Variants in ABCB5 observed in about 807,000 individuals in gnomAD.
The protein encoded by ABCB5 is ATP-binding cassette sub-family B member 5.
A neutral mutation model predicts 144.2 loss-of-function variants in ABCB5; 155 were observed. The observed-to-expected ratio is 1.08, with a 90% CI of 0.94 to 1.23. The LOEUF (loss-of-function observed/expected upper bound fraction) is 1.23. ABCB5 is among the 50% of genes most tolerant of loss of function. The pLI is 0.00. For synonymous variants in ABCB5, 610 were observed against 528.6 expected, an observed-to-expected ratio of 1.15 and a Z score of -2.11; for missense variants, 1,830 against 1,520.8, an observed-to-expected ratio of 1.20 and a Z score of -3.38.
intron 25 of ABCB5, among the ~76,000 whole-genome samples, chr7:20,744,475 A>T (rs150578667): frequency 8.6e-5 from 13 of 151,880 alleles, no homozygotes; most frequent in African/African-American, 3.1e-4. Context: ...CCCCCTTCTC[A>T]TGCCTCTCCA....
chr7:20,661,798 G>T (rs1293369177), intron 14 of ABCB5, among the ~76,000 whole-genome samples: 1 of 152,062 alleles, frequency 6.6e-6, no homozygotes, highest in Non-Finnish European at 1.5e-5. Context: ...CTCCCAAAGT[G>T]CTGGGATTAC....
chr7:20,756,988 AAAAT>A lies in ABCB5; in HGVS notation c.*1367_*1370del, dbSNP rs552626235. 11 of 152,500 alleles carry A rather than the reference AAAAT, an allele frequency of 7.2e-5. No individual in the cohort carries two copies. The South Asian group carries it at 2.3e-3, about 32-fold the overall frequency. The allele number at this position is 152,500 out of a possible 1,614,324, so 9.4% of individuals were successfully genotyped here. ...GCTGCTTTCTTTAAAATGCAAAATAAAAATAAGATTGGGGACTTGAGAATCAGAT... is the reference window on the plus strand; with the variant it reads ...GCTGCTTTCTTTAAAATGCAAAATAAAAGATTGGGGACTTGAGAATCAGAT... On this transcript the variant is annotated 3_prime_UTR_variant, in exon 28 of 28. Coordinates refer to ENST00000404938, the MANE Select transcript of ABCB5 (RefSeq NM_001163941.2).
At chr7:20,624,172 G>A (rs983509604) in intron 2 of ABCB5, among the ~76,000 whole-genome samples, 2 of 152,216 alleles carry the variant, frequency 1.3e-5, no homozygotes, top group African/African-American at 4.8e-5. Flanking sequence ...AGGGGATGCT[G>A]AGGGGACAGG....
Position 20,751,298 on chromosome 7 carries a change from C to T in ABCB5, c.3430-2062C>T, listed in dbSNP as rs1192024864. Among the ~76,000 whole-genome samples, 5 of 152,028 alleles carry T rather than the reference C, an allele frequency of 3.3e-5. No homozygotes were observed. The East Asian group carries it at 7.7e-4, about 23-fold the overall frequency. On this transcript the variant is annotated intron_variant, in intron 26 of 27. Coordinates refer to ENST00000404938, the MANE Select transcript of ABCB5 (RefSeq NM_001163941.2). ...CCATCCTGGCTAACATGGTGAAACC[C>T]CGTCTCTACTGAAAATACAAAAAAT...
rs148632474 is a variant in ABCB5 at position 20,752,630 on chromosome 7, C to T, written c.3430-730C>T. Among the ~76,000 whole-genome samples, 160 of 152,206 alleles carry T rather than the reference C, an allele frequency of 1.1e-3. No individual in the cohort carries two copies. The East Asian group carries it at 0.026, about 25-fold the overall frequency. On this transcript the variant is annotated intron_variant, in intron 26 of 27. Coordinates refer to ENST00000404938, the MANE Select transcript of ABCB5 (RefSeq NM_001163941.2). Reference sequence around the variant, plus strand: ...TTGGGAGGCTGAGGAGGGTGGATCACGAGGTCAGGAATTCATGACCAGCCT... The same window carrying T: ...TTGGGAGGCTGAGGAGGGTGGATCATGAGGTCAGGAATTCATGACCAGCCT...
chr7:20,688,244 A>T (rs1214046526), intron 16 of ABCB5, among the ~76,000 whole-genome samples: 1 of 152,166 alleles, frequency 6.6e-6, no homozygotes, highest in Non-Finnish European at 1.5e-5. Flanking sequence ...ACAAAGATCA[A>T]TAATGAAATG....
At chr7:20,735,428 G>A (rs1459672109) in intron 23 of ABCB5, among the ~76,000 whole-genome samples, 1 of 152,218 alleles carries the variant, frequency 6.6e-6, no homozygotes, top group Non-Finnish European at 1.5e-5. Context: ...CTAGGAGGCT[G>A]GGCAGCCAGG....
At chr7:20,718,648 T>C (rs1185487155) in intron 20 of ABCB5, among the ~76,000 whole-genome samples, 1 of 152,222 alleles carries the variant, frequency 6.6e-6, no homozygotes. Flanking sequence ...TATTTTTTAA[T>C]GAAGATGCTA....
chr7:20,704,899 C>G, intron 20 of ABCB5, 92 bp downstream of exon 20: 1 of 980,392 alleles, frequency 1.0e-6, no homozygotes, highest in Admixed American at 2.4e-5. Flanking sequence ...GTGAGCTGTG[C>G]TGAGATGACC....
At chr7:20,676,591 C>A (rs1466504233) in intron 14 of ABCB5, among the ~76,000 whole-genome samples, 1 of 152,008 alleles carries the variant, frequency 6.6e-6, no homozygotes, top group Non-Finnish European at 1.5e-5. Context: ...AGGGAATGAG[C>A]AGGGAGAGAA....
chr7:20,719,615 G>C (rs1781797319), intron 20 of ABCB5, among the ~76,000 whole-genome samples: 1 of 152,172 alleles, frequency 6.6e-6, no homozygotes, highest in African/African-American at 2.4e-5. Flanking sequence ...TTGCAGCCCC[G>C]ATATTATGAC....
chr7:20,636,061 T>C (rs1407007664), intron 5 of ABCB5, among the ~76,000 whole-genome samples: 3 of 152,146 alleles, frequency 2.0e-5, no homozygotes, highest in Non-Finnish European at 2.9e-5. Flanking sequence ...GAAAGTTCTA[T>C]TGGATAGTGT....
At chr7:20,633,358 TTACTC>T (rs887399388) in intron 5 of ABCB5, among the ~76,000 whole-genome samples, 8 of 152,142 alleles carry the variant, frequency 5.3e-5, no homozygotes, top group African/African-American at 1.7e-4. Flanking sequence ...TTCTGGGTCT[TTACTC>T]TAAACCTAAG....
At chr7:20,680,823 A>C (rs977273766) in intron 14 of ABCB5, among the ~76,000 whole-genome samples, 3 of 152,066 alleles carry the variant, frequency 2.0e-5, no homozygotes, top group South Asian at 2.1e-4. Flanking sequence ...AAAACAATTA[A>C]CTTTCTGACT....
chr7:20,654,398 A>C (rs1225178601), intron 13 of ABCB5, among the ~76,000 whole-genome samples: 3 of 152,206 alleles, frequency 2.0e-5, no homozygotes, highest in Admixed American at 6.5e-5. Context: ...TGAAAGGAGA[A>C]AGACAAATCC....
intron 14 of ABCB5, 56 bp downstream of exon 14, chr7:20,658,732 A>G: frequency 6.3e-7 from 1 of 1,575,030 alleles, no homozygotes; most frequent in Non-Finnish European, 8.6e-7. Context: ...ATTGTTTTGA[A>G]GTACAAGAAA....
Position 20,723,224 on chromosome 7 carries a change from A to G in ABCB5, c.2625+5A>G. ...GAACTTAAGCATGCTGGAAAGGTAA[A>G]ATGAAGACTGTTATCACCATCGTAA... is the stretch of plus-strand genomic sequence containing the variant. On this transcript the variant is annotated splice_donor_5th_base_variant and intron_variant, in intron 21 of 27. Transcript: ENST00000404938. The G allele has an allele frequency of 6.2e-7, 1 of 1,613,658 alleles. No homozygotes were observed. Among genetic ancestry groups the G allele is most frequent in the South Asian group, 1.1e-5 (1 of 91,078 alleles).
intron 23 of ABCB5, among the ~76,000 whole-genome samples, chr7:20,730,641 C>G (rs2128052151): frequency 6.6e-6 from 1 of 152,288 alleles, no homozygotes; most frequent in African/African-American, 2.4e-5. Context: ...GGGTTTCATT[C>G]TGATTACATA....
intron 16 of ABCB5, among the ~76,000 whole-genome samples, chr7:20,686,891 G>T (rs1011878927): frequency 1.3e-5 from 2 of 152,052 alleles, no homozygotes; most frequent in Non-Finnish European, 2.9e-5. Context: ...TGGATTATCT[G>T]CCCCAAAACC....
Sources: allele counts gnomAD v4.1 joint callset (sites outside exome capture counted in the v4.1 genomes callset), GRCh38; gene constraint gnomAD v4.1.1; transcripts MANE v1.5; gene names NCBI Gene and HGNC (gene_info 2026-07-23, HGNC 2026-07-21).